The following SLIT3 variants were observed in gnomAD, a reference collection of about 807,000 sequenced individuals.
SLIT3 encodes slit homolog 3 protein.
In SLIT3, 68 loss-of-function variants were observed where a neutral mutation model predicts 184.0. The ratio of observed to expected loss-of-function variants is 0.37; its 90% CI spans 0.30 to 0.45. SLIT3 has a LOEUF of 0.45. Ranked by LOEUF, SLIT3 falls within the 20% of genes least tolerant of loss-of-function variation. The probability of loss-of-function intolerance (pLI) is 1.00; values close to 1 mark genes in which losing one functional copy is unlikely to be tolerated. For synonymous variants in SLIT3, 831 were observed against 828.6 expected (o/e 1.00, Z -0.05); for missense variants, 1,707 against 2,026.0 (o/e 0.84, Z 3.02).
chr5:168,928,426 G>A (rs547112780), intron 4 of SLIT3, among the ~76,000 whole-genome samples: 13 of 152,104 alleles, frequency 8.5e-5, no homozygotes, highest in African/African-American at 1.2e-4. Flanking sequence ...AAGAACCACC[G>A]TGAGAGTTCA....
At chr5:168,816,014 C>G (rs1757324444) in intron 8 of SLIT3, among the ~76,000 whole-genome samples, 1 of 152,138 alleles carries the variant, frequency 6.6e-6, no homozygotes, top group African/African-American at 2.4e-5. Flanking sequence ...CAAAATACCT[C>G]TTTGGGAAAT....
At chr5:168,962,649 C>T (rs143824473) in intron 4 of SLIT3, among the ~76,000 whole-genome samples, 2 of 152,202 alleles carry the variant, frequency 1.3e-5, no homozygotes, top group South Asian at 2.1e-4. Flanking sequence ...CCCACTGAGG[C>T]CCCCCAGGGC....
intron 8 of SLIT3, among the ~76,000 whole-genome samples, chr5:168,813,310 G>T (rs1318437277): frequency 9.8e-6 from 1 of 102,336 alleles, no homozygotes; most frequent in African/African-American, 4.0e-5. Context: ...TTTAGATAAG[G>T]ATGAAAAAAA....
At chr5:168,686,092 T>A (rs1004021468) in intron 30 of SLIT3, among the ~76,000 whole-genome samples, 165 bp from the exon 31 acceptor site, 3 of 152,180 alleles carry the variant, frequency 2.0e-5, no homozygotes, top group African/African-American at 7.2e-5. Flanking sequence ...GGCAAGACCT[T>A]TTCCTTCTCT....
intron 5 of SLIT3, among the ~76,000 whole-genome samples, chr5:168,847,470 CG>C (rs1758512381): frequency 6.6e-6 from 1 of 152,194 alleles, no homozygotes; most frequent in Non-Finnish European, 1.5e-5. Context: ...AAAACCACAG[CG>C]GTTACTCCAC....
At chr5:169,200,098 G>T (rs760397302) in intron 3 of SLIT3, among the ~76,000 whole-genome samples, 1 of 152,196 alleles carries the variant, frequency 6.6e-6, no homozygotes, top group Non-Finnish European at 1.5e-5. Context: ...GCTTTCAGAG[G>T]TATCAACCTC....
At chr5:168,754,728 C>G (rs539641419) in intron 16 of SLIT3, among the ~76,000 whole-genome samples, 1 of 152,144 alleles carries the variant, frequency 6.6e-6, no homozygotes, top group African/African-American at 2.4e-5. Context: ...CAAAATATCA[C>G]GTGTCCCATA....
At chr5:168,844,032 T>G (rs1490526722) in intron 6 of SLIT3, among the ~76,000 whole-genome samples, 1 of 150,430 alleles carries the variant, frequency 6.6e-6, no homozygotes. Flanking sequence ...GTTTAAAGTT[T>G]GAATTGAAGC....
chr5:169,208,527 T>A (rs2113504830), intron 3 of SLIT3, among the ~76,000 whole-genome samples: 1 of 152,184 alleles, frequency 6.6e-6, no homozygotes, highest in Non-Finnish European at 1.5e-5. Flanking sequence ...CTACCTGACT[T>A]CAAACTACAC....
chr5:169,251,370 G>A lies in SLIT3; in HGVS notation c.269+18C>T, dbSNP rs759340572. The A allele has an allele frequency of 3.8e-6, 6 of 1,579,500 alleles. No individual in the cohort carries two copies. The highest frequency in any genetic ancestry group is 1.1e-5 in the South Asian group (1 of 90,382). Reference sequence around the variant, plus strand: ...GAGCTAAAAATGAAAACACACTTGAGAGCCATCAACTACTTACAAGACTCG... The same window carrying A: ...GAGCTAAAAATGAAAACACACTTGAAAGCCATCAACTACTTACAAGACTCG... On this transcript the variant is annotated intron_variant, in intron 2 of 35. Coordinates refer to ENST00000519560, the MANE Select transcript of SLIT3 (RefSeq NM_003062.4).
chr5:169,202,882 A>G (rs969871391), intron 3 of SLIT3, among the ~76,000 whole-genome samples: 3 of 151,428 alleles, frequency 2.0e-5, no homozygotes, highest in Admixed American at 2.0e-4. Context: ...CTCCAATGAC[A>G]TGGCTGTTAG....
chr5:169,254,581 T>C (rs1389842705), intron 1 of SLIT3, among the ~76,000 whole-genome samples: 1 of 152,160 alleles, frequency 6.6e-6, no homozygotes, highest in Non-Finnish European at 1.5e-5. Flanking sequence ...CAAACAAGAC[T>C]GTGGCAGAAA....
intron 26 of SLIT3, among the ~76,000 whole-genome samples, chr5:168,705,763 G>A (rs1762356444): frequency 6.6e-6 from 1 of 152,190 alleles, no homozygotes; most frequent in African/African-American, 2.4e-5. Flanking sequence ...ATGCTTCATA[G>A]TACAGTCAAG....
chr5:169,222,949 C>T (rs1215654274), intron 3 of SLIT3, among the ~76,000 whole-genome samples: 1 of 152,114 alleles, frequency 6.6e-6, no homozygotes, highest in Non-Finnish European at 1.5e-5. Context: ...ATGGCCAAAA[C>T]CGAATGGGAA....
At chr5:169,279,571 G>A (rs1766928066) in intron 1 of SLIT3, among the ~76,000 whole-genome samples, 1 of 152,122 alleles carries the variant, frequency 6.6e-6, no homozygotes, top group African/African-American at 2.4e-5. Flanking sequence ...TAACAAAAGT[G>A]CCAATTCCAC....
intron 2 of SLIT3, 78 bp from the exon 3 acceptor site, chr5:169,244,854 G>C (rs528433481): frequency 6.5e-6 from 8 of 1,237,574 alleles, no homozygotes; most frequent in Middle Eastern, 1.9e-4. Flanking sequence ...TGCCATGCAG[G>C]CATGGTCACT....
chr5:168,914,380 T>C (rs1761366776), intron 4 of SLIT3, among the ~76,000 whole-genome samples: 1 of 152,098 alleles, frequency 6.6e-6, no homozygotes, highest in African/African-American at 2.4e-5. Flanking sequence ...CTGCCCAGGG[T>C]TTGGGGAAGA....
intron 23 of SLIT3, among the ~76,000 whole-genome samples, chr5:168,718,373 C>T (rs1319253036): frequency 1.3e-5 from 2 of 152,044 alleles, no homozygotes; most frequent in Non-Finnish European, 2.9e-5. Context: ...ATCCCACTGG[C>T]TCCTTCGTGA....
intron 3 of SLIT3, among the ~76,000 whole-genome samples, chr5:169,225,873 T>C (rs6868507): frequency 0.43 from 64,872 of 152,056 alleles, 14,266 homozygotes; most frequent in Middle Eastern, 0.5. Context: ...AGGAAGGGTG[T>C]TAAGCATAGT....
Sources: allele counts gnomAD v4.1 joint callset (sites outside exome capture counted in the v4.1 genomes callset), GRCh38; gene constraint gnomAD v4.1.1; transcripts MANE v1.5; gene names NCBI Gene and HGNC (gene_info 2026-07-23, HGNC 2026-07-21).